CD247: variants seen among roughly 807,000 people sequenced by gnomAD.
CD247 encodes CD247 molecule, also known as T-cell surface glycoprotein CD3 zeta chain.
In CD247, 13 loss-of-function variants were observed where a neutral mutation model predicts 30.0. The observed-to-expected ratio is 0.43, with a 90% CI of 0.28 to 0.69. The LOEUF is 0.69. Among genes scored for constraint, CD247 ranks in the 30% least tolerant of loss-of-function variants. The pLI, the probability that CD247 is intolerant of heterozygous loss-of-function variation, is 0.16. For synonymous variants in CD247, 72 were observed against 80.0 expected, an observed-to-expected ratio of 0.90 and a Z score of 0.53; for missense variants, 193 against 212.6, an observed-to-expected ratio of 0.91 and a Z score of 0.57.
chr1:167,466,871 G>A (rs945306234), intron 1 of CD247, among the ~76,000 whole-genome samples: 1 of 149,004 alleles, frequency 6.7e-6, no homozygotes, highest in Non-Finnish European at 1.5e-5. Context: ...ACGAAGTCTC[G>A]CTCTGTCGCC....
chr1:167,514,861 C>A lies in CD247; in HGVS notation c.58+3547G>T, dbSNP rs34322294. Among the ~76,000 whole-genome samples, 112 of 152,148 alleles carry A rather than the reference C, an allele frequency of 7.4e-4. 1 individual carries two copies. In the East Asian group the frequency reaches 0.02, roughly 27 times the overall value. ...GAGAGTTCCCTCAGGGCAACTGGAC[C>A]CTTCTAAGTAAAGCACAAGACACAA... On this transcript the variant is annotated intron_variant, in intron 1 of 7. Coordinates refer to ENST00000362089, the MANE Select transcript of CD247 (RefSeq NM_198053.3).
At chr1:167,480,183 C>G (rs1051384367) in intron 1 of CD247, among the ~76,000 whole-genome samples, 1 of 152,194 alleles carries the variant, frequency 6.6e-6, no homozygotes, top group Admixed American at 6.5e-5. Flanking sequence ...AAGACACAAT[C>G]CTGCCCTGGA....
chr1:167,471,863 T>C (rs1211295096), intron 1 of CD247, among the ~76,000 whole-genome samples: 1 of 149,018 alleles, frequency 6.7e-6, no homozygotes, highest in African/African-American at 2.5e-5. Flanking sequence ...GACTGAGTCT[T>C]GCTCTGTCAC....
At chr1:167,439,481 G>A (rs1651718812) in intron 2 of CD247, 81 bp from the exon 3 acceptor site, 2 of 1,256,716 alleles carry the variant, frequency 1.6e-6, no homozygotes, top group South Asian at 2.4e-5. Context: ...GCGGCGACCC[G>A]AGGGACAGCC....
intron 1 of CD247, among the ~76,000 whole-genome samples, chr1:167,513,269 T>G (rs903856348): frequency 2.6e-5 from 4 of 152,262 alleles, no homozygotes; most frequent in Admixed American, 6.5e-5. Flanking sequence ...ATGTTTTATG[T>G]TTTGATTATG....
At chr1:167,454,271 T>C (rs1443388865) in intron 1 of CD247, among the ~76,000 whole-genome samples, 1 of 152,216 alleles carries the variant, frequency 6.6e-6, no homozygotes, top group Non-Finnish European at 1.5e-5. Context: ...CCACGGTTAC[T>C]TCTGCAGAGG....
chr1:167,493,072 T>A (rs553385803), intron 1 of CD247, among the ~76,000 whole-genome samples: 1 of 128,188 alleles, frequency 7.8e-6, no homozygotes, highest in South Asian at 2.8e-4. Context: ...AGATGGAGTG[T>A]CACTCTGTCG....
chr1:167,454,293 G>A (rs960250158), intron 1 of CD247, among the ~76,000 whole-genome samples: 1 of 152,192 alleles, frequency 6.6e-6, no homozygotes, highest in Non-Finnish European at 1.5e-5. Flanking sequence ...GCCACGGGAG[G>A]GGGAGGCTGG....
intron 1 of CD247, among the ~76,000 whole-genome samples, chr1:167,485,608 T>C (rs977908408): frequency 1.3e-5 from 2 of 152,098 alleles, no homozygotes; most frequent in East Asian, 1.9e-4. Flanking sequence ...CTCCTCCTTT[T>C]GTCAGCATGC....
At chr1:167,451,159 T>C (rs1051910727) in intron 1 of CD247, among the ~76,000 whole-genome samples, 2 of 151,888 alleles carry the variant, frequency 1.3e-5, no homozygotes, top group Non-Finnish European at 2.9e-5. Flanking sequence ...GGGGAAGTTC[T>C]AGGAGACTAG....
intron 1 of CD247, among the ~76,000 whole-genome samples, chr1:167,449,154 T>C (rs1334986111): frequency 4.7e-4 from 27 of 57,606 alleles, no homozygotes; most frequent in African/African-American, 2.0e-3. Context: ...CTTTTCTTTT[T>C]TTTTTTTTTT....
chr1:167,499,658 T>C (rs1474033952), intron 1 of CD247, among the ~76,000 whole-genome samples: 2 of 152,198 alleles, frequency 1.3e-5, no homozygotes, highest in Non-Finnish European at 2.9e-5. Context: ...GTGCAAATTT[T>C]AGTGCAGGGT....
intron 1 of CD247, among the ~76,000 whole-genome samples, chr1:167,501,666 T>G (rs941812961): frequency 2.0e-5 from 3 of 152,224 alleles, no homozygotes; most frequent in African/African-American, 7.2e-5. Flanking sequence ...AGAACAGAAC[T>G]GGAGCCACCC....
intron 1 of CD247, among the ~76,000 whole-genome samples, chr1:167,447,900 T>C (rs1240021271): frequency 6.9e-6 from 1 of 144,946 alleles, no homozygotes. Context: ...GGTGATGACA[T>C]TGCAGGGTAA....
intron 1 of CD247, among the ~76,000 whole-genome samples, chr1:167,506,276 TCTTTTCTTTTCTTTTTTC>T (rs1655122994): frequency 1.5e-4 from 2 of 13,590 alleles, no homozygotes; most frequent in African/African-American, 8.8e-4. Flanking sequence ...CTTTTCCTTT[TCTTTTCTTTTCTTTTTTC>T]TTTTCTTTTC....
rs376606340 is a variant in CD247, at chr1:167,494,048, G to A, written c.58+24360C>T. Among the ~76,000 whole-genome samples, 3 of 152,014 alleles carry A rather than the reference G, an allele frequency of 2.0e-5. No individual in the cohort carries two copies. Among genetic ancestry groups the A allele is most frequent in the East Asian group, 1.9e-4 (1 of 5,184 alleles). The stretch of plus-strand genomic sequence containing the variant: ...GGGCTCTGCTGAGTTGGGTGGGGGA[G>A]GCTGGAGGCTGCAAAATGATGACAG... On this transcript the variant is annotated intron_variant, in intron 1 of 7. Transcript: ENST00000362089. This position sits in a 1 kb window ranked among gnomAD's most constrained non-coding sequence, Gnocchi z 7.3.
chr1:167,453,062 A>AT, intron 1 of CD247, among the ~76,000 whole-genome samples: 1 of 148,570 alleles, frequency 6.7e-6, no homozygotes, highest in African/African-American at 2.5e-5. Flanking sequence ...ATAGATATAC[A>AT]GAGAGAAAGA....
chr1:167,511,745 C>T (rs906646885), intron 1 of CD247, among the ~76,000 whole-genome samples: 5 of 152,070 alleles, frequency 3.3e-5, no homozygotes, highest in South Asian at 2.1e-4. Context: ...CCTGGGCGAG[C>T]GGCTGCACAC....
At chr1:167,444,704 A>T (rs1651989200) in intron 1 of CD247, among the ~76,000 whole-genome samples, 1 of 152,226 alleles carries the variant, frequency 6.6e-6, no homozygotes, top group Non-Finnish European at 1.5e-5. Flanking sequence ...GGGCCACAGC[A>T]TGTGAGAGGG....
Sources: gnomAD v4.1 joint callset for allele counts (sites outside exome capture counted in the v4.1 genomes callset) on GRCh38, gnomAD v4.1.1 for gene constraint, Gnocchi (gnomAD v3.1) non-coding constraint, MANE v1.5 for transcripts, NCBI Gene and HGNC (gene_info 2026-07-23, HGNC 2026-07-21) for gene names.